The following COTL1 variants were observed in gnomAD, a reference collection of about 807,000 sequenced individuals.
COTL1 encodes coactosin-like protein.
Under a neutral mutation model 16.5 loss-of-function variants are expected in COTL1, and 15 were observed. The ratio of observed to expected loss-of-function variants is 0.91; its 90% CI spans 0.61 to 1.40. The LOEUF (loss-of-function observed/expected upper bound fraction) is 1.40. Ranked by LOEUF, COTL1 falls within the 40% of genes most tolerant of loss-of-function variation. The probability of loss-of-function intolerance (pLI) is 0.00; values close to 1 mark genes in which losing one functional copy is unlikely to be tolerated. For synonymous variants in COTL1, 112 were observed against 85.3 expected (o/e 1.31, Z -1.73); for missense variants, 220 against 201.5 (o/e 1.09, Z -0.56).
intron 2 of COTL1, among the ~76,000 whole-genome samples, chr16:84,610,899 A>T (rs1023070992): frequency 6.6e-6 from 1 of 152,156 alleles, no homozygotes; most frequent in Non-Finnish European, 1.5e-5. Context: ...TTCATGAAGA[A>T]GCCTTTTCTG....
In COTL1 at chr16:84,582,925, T is replaced by A. The variant is rs1481172180; in HGVS notation, c.318+7180A>T. On this transcript the variant is annotated intron_variant, in intron 3 of 3. Coordinates refer to ENST00000262428, the MANE Select transcript of COTL1 (RefSeq NM_021149.5). ...TCCATTTCACACAGCAGCACTTTTT[T>A]AAAGTAAGCACAGAGCAAAAAAGTT... Among the ~76,000 whole-genome samples, 4 of 152,326 alleles carry A rather than the reference T, an allele frequency of 2.6e-5. No individual in the cohort carries two copies. In the East Asian group the frequency reaches 7.7e-4, roughly 29 times the overall value.
At chr16:84,578,078 T>A (rs962691803) in intron 3 of COTL1, among the ~76,000 whole-genome samples, 12 of 152,174 alleles carry the variant, frequency 7.9e-5, no homozygotes, top group African/African-American at 2.9e-4. Flanking sequence ...CACAAATTAA[T>A]CATGGCACTT....
chr16:84,608,379 T>A (rs750457524), intron 2 of COTL1, among the ~76,000 whole-genome samples: 6 of 152,182 alleles, frequency 3.9e-5, no homozygotes, highest in African/African-American at 7.2e-5. Flanking sequence ...CCTTCATCAT[T>A]TTCTGTTTGT....
At chr16:84,583,218 A>G (rs536716349) in intron 3 of COTL1, among the ~76,000 whole-genome samples, 49 of 152,180 alleles carry the variant, frequency 3.2e-4, no homozygotes, top group Non-Finnish European at 6.2e-4. Flanking sequence ...GCTTCTTCGG[A>G]TCCCAAGCTC....
At chr16:84,604,928 C>T (rs1248774178) in intron 2 of COTL1, among the ~76,000 whole-genome samples, 1 of 152,240 alleles carries the variant, frequency 6.6e-6, no homozygotes, top group African/African-American at 2.4e-5. Context: ...GCTTCCGGGT[C>T]AGAGCAGACC....
At chr16:84,609,189 G>A (rs574078374) in intron 2 of COTL1, among the ~76,000 whole-genome samples, 14 of 152,250 alleles carry the variant, frequency 9.2e-5, no homozygotes, top group South Asian at 2.1e-4. Context: ...ATAGACTGCC[G>A]GCTCTCTGTG....
intron 2 of COTL1, among the ~76,000 whole-genome samples, chr16:84,602,500 G>A (rs902958483): frequency 3.9e-5 from 6 of 152,050 alleles, no homozygotes; most frequent in Non-Finnish European, 1.5e-5. Flanking sequence ...TAGACAGGCA[G>A]GAACGAATGG....
intron 2 of COTL1, among the ~76,000 whole-genome samples, chr16:84,609,061 C>G (rs975198801): frequency 2.6e-5 from 4 of 152,156 alleles, no homozygotes; most frequent in Non-Finnish European, 4.4e-5. Context: ...ATGTCACATT[C>G]CCTTAGACCT....
chr16:84,588,435 A>G (rs73255567), intron 3 of COTL1, among the ~76,000 whole-genome samples: 18,737 of 152,216 alleles, frequency 0.12, 1,324 homozygotes, highest in South Asian at 0.25. Flanking sequence ...GACTTTATTT[A>G]TATTTCAACA....
At position 84,601,121 on chromosome 16, in the gene COTL1, A is replaced by G. The variant is rs983098449; in HGVS notation, c.161-10859T>C. ...TGAGGGGTTCAGCGTCTGGCTCCCA[A>G]TCACTGAACAGCCCTGGCACACACT... On this transcript the variant is annotated intron_variant, in intron 2 of 3. Transcript: ENST00000262428. 5.3e-5 allele frequency among the ~76,000 whole-genome samples: 8 copies of G among 152,254 alleles called. No homozygotes were observed. In the East Asian group the frequency reaches 1.2e-3, roughly 22 times the overall value.
chr16:84,590,042 C>T lies in COTL1; in HGVS notation c.318+63G>A. 1 of 1,538,552 alleles carries T rather than the reference C, an allele frequency of 6.5e-7. No homozygotes were observed. The highest frequency in any genetic ancestry group is 8.9e-7 in the Non-Finnish European group (1 of 1,129,010). ...CCCAGGAGTCGAACCCAGCCCTCTC[C>T]CTCCTTGCAGGATGGTGACCCTTGG... On this transcript the variant is annotated intron_variant, in intron 3 of 3. Coordinates refer to ENST00000262428, the MANE Select transcript of COTL1 (RefSeq NM_021149.5). This position sits in a 1 kb window ranked among gnomAD's most constrained non-coding sequence, Gnocchi z 5.5.
chr16:84,600,058 G>C (rs1479466564), intron 2 of COTL1, among the ~76,000 whole-genome samples: 1 of 152,156 alleles, frequency 6.6e-6, no homozygotes, highest in Non-Finnish European at 1.5e-5. Context: ...GAAGGGGCCA[G>C]GTTCGTTGCT....
chr16:84,616,998 T>C (rs1324469367), intron 2 of COTL1, among the ~76,000 whole-genome samples: 1 of 152,248 alleles, frequency 6.6e-6, no homozygotes, highest in African/African-American at 2.4e-5. Flanking sequence ...TGGAATCATA[T>C]GGTGTGTACT....
intron 3 of COTL1, chr16:84,575,874 G>A (rs996235975): frequency 2.0e-5 from 3 of 152,182 alleles, no homozygotes; most frequent in African/African-American, 7.2e-5. Flanking sequence ...GGTCGTATGA[G>A]CATAAAAGGG....
chr16:84,599,956 G>C (rs1417458978), intron 2 of COTL1, among the ~76,000 whole-genome samples: 1 of 152,210 alleles, frequency 6.6e-6, no homozygotes. Context: ...GCAAGGCTGG[G>C]GAAGGAGAAA....
At chr16:84,604,158 C>G in intron 2 of COTL1, among the ~76,000 whole-genome samples, 1 of 128,114 alleles carries the variant, frequency 7.8e-6, no homozygotes, top group Non-Finnish European at 1.7e-5. Flanking sequence ...ACCCCATGGC[C>G]CCCACCTACA....
At chr16:84,601,146 T>C (rs1242939210) in intron 2 of COTL1, among the ~76,000 whole-genome samples, 1 of 152,184 alleles carries the variant, frequency 6.6e-6, no homozygotes, top group Non-Finnish European at 1.5e-5. Flanking sequence ...TGGCACACAC[T>C]GCTTTATACT....
chr16:84,575,470 G>C (rs1423594395), intron 3 of COTL1: 3 of 152,146 alleles, frequency 2.0e-5, no homozygotes, highest in African/African-American at 7.2e-5. Context: ...CAATTCTCCT[G>C]CCTCAGCCTC....
In COTL1 at chr16:84,617,579, T is replaced by C; in HGVS notation, c.82A>G (p.Thr28Ala). The change falls in exon 2 of 4, where the codon ACT becomes GCT. Residue 28 changes from threonine to alanine, a missense_variant. By Grantham distance (58) the Thr-to-Ala change is moderately conservative. Transcript: ENST00000262428. ...RDDGSAVIWVTFKYDGSTIVP... is the reference protein window; with the variant it reads ...RDDGSAVIWVAFKYDGSTIVP... ...ATGGTGGAGCCGTCATATTTAAAAG[T>C]CACCCTTTGGGTTGGGAGAAGAAAA... is the stretch of plus-strand genomic sequence containing the variant. 1 of 1,555,150 alleles carries C rather than the reference T, an allele frequency of 6.4e-7. No individual in the cohort carries two copies. The highest frequency in any genetic ancestry group is 8.7e-7 in the Non-Finnish European group (1 of 1,148,632).
Sources: allele counts gnomAD v4.1 joint callset (sites outside exome capture counted in the v4.1 genomes callset), GRCh38; gene constraint gnomAD v4.1.1; non-coding constraint Gnocchi (gnomAD v3.1); transcripts MANE v1.5; gene names NCBI Gene and HGNC (gene_info 2026-07-23, HGNC 2026-07-21).